The following ST7 variants were observed in gnomAD, a reference collection of about 807,000 sequenced individuals.
ST7 encodes the protein suppression of tumorigenicity 7, also known as suppressor of tumorigenicity 7 protein.
Under a neutral mutation model 78.7 loss-of-function variants are expected in ST7, and 28 were observed. The ratio of observed to expected loss-of-function variants is 0.36; its 90% CI spans 0.26 to 0.49. The LOEUF is 0.49. ST7 is among the 20% of genes least tolerant of loss of function. The pLI, the probability that ST7 is intolerant of heterozygous loss-of-function variation, is 0.99. For synonymous variants in ST7, 247 were observed against 249.6 expected, an observed-to-expected ratio of 0.99 and a Z score of 0.10; for missense variants, 418 against 696.0, an observed-to-expected ratio of 0.60 and a Z score of 4.49.
intron 15 of ST7, among the ~76,000 whole-genome samples, chr7:117,225,370 T>C (rs1793370813): frequency 6.6e-6 from 1 of 152,236 alleles, no homozygotes; most frequent in Non-Finnish European, 1.5e-5. Flanking sequence ...TTTTCAAATG[T>C]ACTTTAGATA....
At chr7:117,153,313 A>G (rs557375307) in intron 9 of ST7, among the ~76,000 whole-genome samples, 1 of 152,314 alleles carries the variant, frequency 6.6e-6, no homozygotes, top group Admixed American at 6.5e-5. Context: ...GGAAATATTT[A>G]GAAGACAGTG....
chr7:117,157,389 G>A (rs866735636), intron 9 of ST7, among the ~76,000 whole-genome samples: 2 of 152,220 alleles, frequency 1.3e-5, no homozygotes, highest in Non-Finnish European at 2.9e-5. Context: ...TCAGATTCCA[G>A]GAGGGTTCAG....
chr7:117,042,154 G>A (rs564042022), intron 1 of ST7, among the ~76,000 whole-genome samples: 4 of 152,102 alleles, frequency 2.6e-5, no homozygotes, highest in African/African-American at 7.2e-5. Context: ...TATTATTTGA[G>A]TTTTTGCTTT....
At chr7:116,966,834 C>G (rs1793142299) in intron 1 of ST7, among the ~76,000 whole-genome samples, 1 of 152,228 alleles carries the variant, frequency 6.6e-6, no homozygotes. Context: ...AGTCCTGGCA[C>G]ATTGCTTTCA....
At chr7:117,049,146 T>A (rs1409703091) in intron 1 of ST7, among the ~76,000 whole-genome samples, 1 of 152,182 alleles carries the variant, frequency 6.6e-6, no homozygotes, top group Non-Finnish European at 1.5e-5. Context: ...GCTTTATAGG[T>A]AAGGGCAGTC....
intron 12 of ST7, among the ~76,000 whole-genome samples, chr7:117,194,253 A>AAAG (rs755203324): frequency 4.7e-4 from 71 of 152,318 alleles, no homozygotes; most frequent in Non-Finnish European, 7.2e-4. Context: ...TCCCATAGGA[A>AAAG]AAGGCATAAA....
At chr7:117,162,470 A>T (rs1445747541) in intron 9 of ST7, among the ~76,000 whole-genome samples, 1 of 149,372 alleles carries the variant, frequency 6.7e-6, no homozygotes, top group Non-Finnish European at 1.5e-5. Flanking sequence ...TTATGATGGG[A>T]TTTTCCTCAT....
intron 1 of ST7, among the ~76,000 whole-genome samples, chr7:117,016,430 A>G (rs1195722694): frequency 6.6e-6 from 1 of 152,204 alleles, no homozygotes; most frequent in Admixed American, 6.5e-5. Flanking sequence ...ACCTCCTCCC[A>G]CAAAGAACAC....
intron 1 of ST7, among the ~76,000 whole-genome samples, chr7:117,093,368 A>C (rs1454283087): frequency 6.6e-6 from 1 of 152,208 alleles, no homozygotes; most frequent in Admixed American, 6.5e-5. Context: ...TTACACATTC[A>C]GCTCAGTCTC....
chr7:117,115,529 A>G (rs1802803890), intron 2 of ST7, among the ~76,000 whole-genome samples: 7 of 151,744 alleles, frequency 4.6e-5, no homozygotes, highest in Admixed American at 3.9e-4. Flanking sequence ...TAATTTTTAT[A>G]TTTTTGTAGA....
chr7:117,090,279 G>A (rs1230432426), intron 1 of ST7, among the ~76,000 whole-genome samples: 1 of 150,426 alleles, frequency 6.6e-6, no homozygotes, highest in Non-Finnish European at 1.5e-5. Flanking sequence ...ACACACACAC[G>A]GCAAAGTCCC....
At chr7:117,075,439 T>C (rs916779260) in intron 1 of ST7, among the ~76,000 whole-genome samples, 1 of 152,160 alleles carries the variant, frequency 6.6e-6, no homozygotes, top group Non-Finnish European at 1.5e-5. Flanking sequence ...TACACGTTTC[T>C]TTGCTCCCAA....
intron 9 of ST7, among the ~76,000 whole-genome samples, chr7:117,140,950 A>G (rs1021379220): frequency 2.6e-5 from 4 of 152,216 alleles, no homozygotes; most frequent in Non-Finnish European, 5.9e-5. Context: ...TCTCTTTGCT[A>G]AAGCTGTGGC....
chr7:116,997,894 T>C (rs1407987190), intron 1 of ST7, among the ~76,000 whole-genome samples: 3 of 152,242 alleles, frequency 2.0e-5, no homozygotes, highest in Non-Finnish European at 2.9e-5. Flanking sequence ...ATAAAGGTTC[T>C]TCAAGTCCCC....
chr7:116,971,528 A>C (rs1456319091), intron 1 of ST7, among the ~76,000 whole-genome samples: 1 of 152,132 alleles, frequency 6.6e-6, no homozygotes, highest in African/African-American at 2.4e-5. Context: ...AAAAAAAATA[A>C]GAAAAAAGAA....
At position 117,103,530 on chromosome 7, in the gene ST7, A is replaced by G. The variant is rs556070381; in HGVS notation, c.234+3686A>G. Among the ~76,000 whole-genome samples the G allele has an allele frequency of 1.3e-5, 2 of 152,346 alleles. 1 individual carries two copies. Among genetic ancestry groups the G allele is most frequent in the Admixed American group, 1.3e-4 (2 of 15,310 alleles). On this transcript the variant is annotated intron_variant, in intron 2 of 15. Coordinates refer to ENST00000323984, the MANE Select transcript of ST7 (RefSeq NM_001369598.1). Reference sequence around the variant, plus strand: ...ACAGTCTCTTCAATAAATGTGCTGGAAAAACTGAATAACCATATGTTGAAG... The same window carrying G: ...ACAGTCTCTTCAATAAATGTGCTGGGAAAACTGAATAACCATATGTTGAAG...
intron 1 of ST7, among the ~76,000 whole-genome samples, chr7:116,998,331 C>A (rs979113525): frequency 1.3e-5 from 2 of 152,234 alleles, no homozygotes; most frequent in Non-Finnish European, 2.9e-5. Context: ...GGAACTCACA[C>A]TGGCCCGCAA....
At chr7:117,011,370 A>G (rs1795377119) in intron 1 of ST7, among the ~76,000 whole-genome samples, 1 of 152,156 alleles carries the variant, frequency 6.6e-6, no homozygotes, top group Non-Finnish European at 1.5e-5. Context: ...GGGGCTAGAA[A>G]AGGAGTAGGT....
At chr7:117,017,841 A>G (rs1795690788) in intron 1 of ST7, among the ~76,000 whole-genome samples, 1 of 152,204 alleles carries the variant, frequency 6.6e-6, no homozygotes, top group Non-Finnish European at 1.5e-5. Context: ...AGTGGTTAGA[A>G]ATGCCTCAGG....
Sources: gnomAD v4.1 joint callset for allele counts (sites outside exome capture counted in the v4.1 genomes callset) on GRCh38, gnomAD v4.1.1 for gene constraint, MANE v1.5 for transcripts, NCBI Gene and HGNC (gene_info 2026-07-23, HGNC 2026-07-21) for gene names.